IL1RN: variants seen among roughly 807,000 people sequenced by gnomAD.
IL1RN encodes the protein interleukin 1 receptor antagonist, also known as interleukin-1 receptor antagonist protein.
Under a neutral mutation model 13.7 loss-of-function variants are expected in IL1RN, and 10 were observed. That is an observed-to-expected ratio of 0.73 (90% CI 0.45 to 1.24). The LOEUF is 1.24. IL1RN is among the 50% of genes most tolerant of loss of function. The pLI is 0.00. For synonymous variants in IL1RN, 102 were observed against 82.7 expected (o/e 1.23, Z -1.27); for missense variants, 213 against 222.1 (o/e 0.96, Z 0.26).
upstream of IL1RN, among the ~76,000 whole-genome samples, chr2:113,115,332 T>C (rs529115825): frequency 2.6e-5 from 4 of 152,180 alleles, no homozygotes; most frequent in East Asian, 5.8e-4. Context: ...ATTCCCATAG[T>C]AGGAATTCCT....
chr2:113,118,111 G>C (rs956979950), intron 1 of IL1RN: 32 of 1,609,192 alleles, frequency 2.0e-5, no homozygotes, highest in Non-Finnish European at 2.0e-5. Context: ...AATGCTTTCA[G>C]GCTCTGGTGA....
chr2:113,131,541 C>CT (rs1687171961), intron 3 of IL1RN, among the ~76,000 whole-genome samples: 1 of 152,050 alleles, frequency 6.6e-6, no homozygotes, highest in East Asian at 1.9e-4. Context: ...AGTCTAGCCC[C>CT]CTGTGAGAGG....
chr2:113,114,228 GTTC>G (rs1157193318), upstream of IL1RN, among the ~76,000 whole-genome samples: 1 of 152,174 alleles, frequency 6.6e-6, no homozygotes, highest in East Asian at 1.9e-4. Context: ...CTGTTTGCTT[GTTC>G]TTCTCTCTCA....
chr2:113,131,076 T>G lies in IL1RN; in HGVS notation c.237T>G (p.His79Gln), dbSNP rs140088036. ...TAGATGTGGTACCCATTGAGCCTCA[T>G]GCTCTGTTCTTGGGAATCCATGGAG... The part of the protein sequence containing the change: ...EKIDVVPIEP[H>Q]ALFLGIHGGK... The change falls in exon 3 of 4, where the codon CAT (histidine) becomes CAG (glutamine). Residue 79 changes from histidine (H) to glutamine (Q), a missense_variant. Transcript: ENST00000409930. The G allele has an allele frequency of 4.3e-6, 7 of 1,613,336 alleles. No individual in the cohort carries two copies. The highest frequency in any genetic ancestry group is 5.9e-6 in the Non-Finnish European group (7 of 1,179,320).
upstream of IL1RN, among the ~76,000 whole-genome samples, chr2:113,109,213 G>A (rs1235277929): frequency 1.3e-5 from 2 of 152,074 alleles, no homozygotes; most frequent in Non-Finnish European, 2.9e-5. Context: ...AGGAGTTCGA[G>A]ACCAGCCTGA....
chr2:113,104,853 CCA>C (rs1686364903), upstream of IL1RN, among the ~76,000 whole-genome samples: 1 of 152,094 alleles, frequency 6.6e-6, no homozygotes, highest in Non-Finnish European at 1.5e-5. Flanking sequence ...AGTAAGTGGT[CCA>C]GCTGAAATTT....
upstream of IL1RN, among the ~76,000 whole-genome samples, chr2:113,103,133 A>C (rs1228655446): frequency 6.6e-6 from 1 of 152,242 alleles, no homozygotes; most frequent in African/African-American, 2.4e-5. Flanking sequence ...CAGAGTGGGC[A>C]CATGGCCTGG....
chr2:113,112,512 C>T lies in IL1RN; in HGVS notation c.-387-488C>T, dbSNP rs72950890. On this transcript the variant is annotated intron_variant, in intron 1 of 8. Coordinates refer to the IL1RN transcript ENST00000409052. ...GGTAAAGGGATGTGAGTGTGGAGGC[C>T]GGAGCCCCCCTCGCCCTGTAGGCTG... Among the ~76,000 whole-genome samples the T allele has an allele frequency of 5.7e-3, 860 of 152,204 alleles. 15 individuals carry two copies. The highest frequency in any genetic ancestry group is 0.02 in the African/African-American group (828 of 41,520).
the IL1RN span, among the ~76,000 whole-genome samples, chr2:113,099,712 T>TC: frequency 7.7e-6 from 1 of 129,578 alleles, no homozygotes; most frequent in African/African-American, 2.9e-5. Flanking sequence ...TTCCTCAGCA[T>TC]CCTCTTCTTT....
chr2:113,108,416 C>G (rs1189994498), upstream of IL1RN, among the ~76,000 whole-genome samples: 1 of 151,542 alleles, frequency 6.6e-6, no homozygotes, highest in Non-Finnish European at 1.5e-5. Flanking sequence ...CCCCCTCCCC[C>G]ACCCCACAAC....
In IL1RN at chr2:113,133,230, T is replaced by C; in HGVS notation, c.*359T>C. ...TCCACCTTCCCATGCCCTGGATCCA[T>C]CAGGCCACTTGATGACCCCCAACCA... is the stretch of plus-strand genomic sequence containing the variant. On this transcript the variant is annotated 3_prime_UTR_variant, in exon 4 of 4. Coordinates refer to ENST00000409930, the MANE Select transcript of IL1RN (RefSeq NM_173842.3). The C allele has an allele frequency of 2.7e-6, 1 of 370,908 alleles. No homozygotes were observed. Among genetic ancestry groups the C allele is most frequent in the Non-Finnish European group, 5.2e-6 (1 of 193,404 alleles). The allele number at this position is 370,908 out of a possible 1,614,324, so 23.0% of individuals were successfully genotyped here.
chr2:113,130,863 G>T (rs1374412144), intron 2 of IL1RN, among the ~76,000 whole-genome samples, 182 bp from the exon 3 acceptor site: 1 of 152,106 alleles, frequency 6.6e-6, no homozygotes, highest in Non-Finnish European at 1.5e-5. Context: ...GGAGTAACTG[G>T]GTAGTGTGCT....
upstream of IL1RN, among the ~76,000 whole-genome samples, chr2:113,104,207 T>A (rs1436482627): frequency 6.6e-6 from 1 of 152,222 alleles, no homozygotes; most frequent in Non-Finnish European, 1.5e-5. Context: ...GTATTGTCAG[T>A]GTTAGCTGGT....
intron 2 of IL1RN, 139 bp downstream of exon 2, chr2:113,129,803 C>A: frequency 1.4e-6 from 1 of 696,136 alleles, no homozygotes; most frequent in Non-Finnish European, 2.7e-6. Context: ...AAGTTTGAAG[C>A]TGGGAGGGCC....
At chr2:113,106,121 C>T (rs528045048), upstream of IL1RN, among the ~76,000 whole-genome samples, 1 of 152,266 alleles carries the variant, frequency 6.6e-6, no homozygotes, top group Admixed American at 6.5e-5. Context: ...TATTTTCTGT[C>T]TAAATTCTAC....
At chr2:113,118,074 G>GA in intron 1 of IL1RN, 3 of 1,613,394 alleles carry the variant, frequency 1.9e-6, no homozygotes, top group Non-Finnish European at 2.5e-6. Context: ...AATGAGAGAG[G>GA]AAAATGTCTA....
the IL1RN span, among the ~76,000 whole-genome samples, chr2:113,101,750 G>C: frequency 4.2e-4 from 64 of 152,250 alleles, no homozygotes; most frequent in African/African-American, 1.5e-3. Context: ...CTGGGGAAGA[G>C]AGACTTTTTT....
upstream of IL1RN, among the ~76,000 whole-genome samples, chr2:113,115,142 G>A (rs759525753): frequency 5.9e-5 from 9 of 152,206 alleles, no homozygotes; most frequent in Non-Finnish European, 1.2e-4. Context: ...ACAGTCATCA[G>A]AATTGTAAAA....
At chr2:113,131,658 G>GC (rs965936766) in intron 3 of IL1RN, among the ~76,000 whole-genome samples, 11 of 151,874 alleles carry the variant, frequency 7.2e-5, no homozygotes, top group Non-Finnish European at 1.6e-4. Context: ...TTGCTCAAGG[G>GC]CCCCCCTACC....
Sources: allele counts gnomAD v4.1 joint callset (sites outside exome capture counted in the v4.1 genomes callset), GRCh38; gene constraint gnomAD v4.1.1; transcripts MANE v1.5; gene names NCBI Gene and HGNC (gene_info 2026-07-23, HGNC 2026-07-21).